Variants in SLC6A5 observed in about 807,000 individuals in gnomAD.
SLC6A5 encodes the protein solute carrier family 6 member 5.
Under a neutral mutation model 90.5 loss-of-function variants are expected in SLC6A5, and 58 were observed. The observed-to-expected ratio is 0.64, with a 90% confidence interval of 0.52 to 0.80. The LOEUF (loss-of-function observed/expected upper bound fraction) is 0.80. SLC6A5 is among the 30% of genes least tolerant of loss of function. The probability of loss-of-function intolerance (pLI) is 0.00; values close to 1 mark genes in which losing one functional copy is unlikely to be tolerated. For synonymous variants in SLC6A5, 427 were observed against 401.4 expected (o/e 1.06, Z -0.76); for missense variants, 1,015 against 1,017.6 (o/e 1.00, Z 0.03).
At chr11:20,607,951 G>T (rs1004129755) in intron 5 of SLC6A5, among the ~76,000 whole-genome samples, 5 of 152,192 alleles carry the variant, frequency 3.3e-5, no homozygotes, top group Admixed American at 2.0e-4. Context: ...CAGAAAATTT[G>T]CATTTTAACA....
intron 13 of SLC6A5, among the ~76,000 whole-genome samples, chr11:20,642,230 C>T (rs1197931942): frequency 7.5e-5 from 11 of 147,100 alleles, no homozygotes; most frequent in Admixed American, 6.8e-4. Flanking sequence ...AGGAACCACA[C>T]CTGGCCACCC....
chr11:20,604,369 A>C lies in SLC6A5; in HGVS notation c.624A>C (p.Ala208=), dbSNP rs772807274. 6.2e-7 allele frequency: 1 copy of C among 1,613,862 alleles called. No individual in the cohort carries two copies. The highest frequency in any genetic ancestry group is 1.3e-5 in the African/African-American group (1 of 74,896). The stretch of plus-strand genomic sequence containing the variant: ...TCATCCTGTCCATGGTGGGGTACGC[A>C]GTGGGGCTGGGCAATGTCTGGAGGT... ...LDFILSMVGY[A]VGLGNVWRFP... The change falls in exon 3 of 16, where the codon GCA becomes GCC. Residue 208 remains alanine (A), a synonymous_variant. Coordinates refer to ENST00000525748, the MANE Select transcript of SLC6A5 (RefSeq NM_004211.5).
chr11:20,599,785 A>C, intron 1 of SLC6A5, 110 bp downstream of exon 1: 36 of 1,232,566 alleles, frequency 2.9e-5, no homozygotes, highest in Non-Finnish European at 4.2e-5. Flanking sequence ...GGTGGGGGGA[A>C]AGGGGGCGAC....
chr11:20,633,762 T>C (rs1053351872), intron 10 of SLC6A5, among the ~76,000 whole-genome samples: 4 of 152,212 alleles, frequency 2.6e-5, no homozygotes, highest in African/African-American at 9.7e-5. Context: ...GGAAGCTCTA[T>C]AAAGGTAGGT....
chr11:20,628,719 C>T (rs186189070), intron 9 of SLC6A5, among the ~76,000 whole-genome samples: 1 of 152,242 alleles, frequency 6.6e-6, no homozygotes, highest in East Asian at 1.9e-4. Flanking sequence ...TAACCATTGA[C>T]CCAAATCAGT....
chr11:20,607,966 G>A lies in SLC6A5; in HGVS notation c.985+314G>A, dbSNP rs139458650. 1.9e-3 allele frequency among the ~76,000 whole-genome samples: 289 copies of A among 152,304 alleles called. 2 individuals carry two copies. The highest frequency in any genetic ancestry group is 6.8e-3 in the Middle Eastern group (2 of 294). On this transcript the variant is annotated intron_variant, in intron 5 of 15. Transcript: ENST00000525748. Reference sequence around the variant, plus strand: ...CAGAAAATTTGCATTTTAACAAGTCGTTGTAGAATTTTATTTTGTTTTATA... The same window carrying A: ...CAGAAAATTTGCATTTTAACAAGTCATTGTAGAATTTTATTTTGTTTTATA...
chr11:20,627,858 G>T (rs3819252), intron 8 of SLC6A5, 122 bp from the exon 9 acceptor site: 2 of 740,308 alleles, frequency 2.7e-6, no homozygotes, highest in Admixed American at 3.9e-5. Context: ...TGTTGATGTC[G>T]GGGGTCATCT....
At chr11:20,620,277 G>A (rs770780073) in intron 7 of SLC6A5, among the ~76,000 whole-genome samples, 1 of 152,172 alleles carries the variant, frequency 6.6e-6, no homozygotes, top group Admixed American at 6.5e-5. Flanking sequence ...AGGATGGCCT[G>A]TGGCTCCAGA....
intron 14 of SLC6A5, 41 bp downstream of exon 14, chr11:20,646,975 C>A (rs368142004): frequency 4.0e-6 from 5 of 1,245,468 alleles, no homozygotes; most frequent in East Asian, 2.3e-5. Flanking sequence ...CAGCACCTTG[C>A]ATACGTATGT....
intron 7 of SLC6A5, among the ~76,000 whole-genome samples, chr11:20,623,176 T>C (rs1894162): frequency 1 from 152,160 of 152,304 alleles, 76,009 homozygotes; most frequent in Non-Finnish European, 1. Context: ...AAATGTGTCC[T>C]GGTCAGCAGT....
At chr11:20,651,625 G>T (rs1030007890) in intron 14 of SLC6A5, among the ~76,000 whole-genome samples, 1 of 151,364 alleles carries the variant, frequency 6.6e-6, no homozygotes, top group African/African-American at 2.4e-5. Context: ...CAGAAAATAC[G>T]GGCTGGGCAC....
chr11:20,633,933 G>A (rs1296212490), intron 10 of SLC6A5, among the ~76,000 whole-genome samples: 1 of 152,102 alleles, frequency 6.6e-6, no homozygotes, highest in Non-Finnish European at 1.5e-5. Context: ...GTGCAGTGGT[G>A]CCATCTTGGC....
chr11:20,634,233 A>G (rs1853161852), intron 10 of SLC6A5, among the ~76,000 whole-genome samples: 1 of 152,162 alleles, frequency 6.6e-6, no homozygotes, highest in Non-Finnish European at 1.5e-5. Flanking sequence ...ACTGCCTCCC[A>G]GTGGGAGAGG....
At position 20,641,110 on chromosome 11, in the gene SLC6A5, T is replaced by A. The variant is rs191296625; in HGVS notation, c.1969+2552T>A. On this transcript the variant is annotated intron_variant, in intron 13 of 15. Transcript: ENST00000525748. ...GTTTAAAAGTAAAACTCCCTTAGTT[T>A]TGTGTAGAAGTGGTCCCTTTAGCAG... Among the ~76,000 whole-genome samples the A allele has an allele frequency of 1.8e-4, 27 of 152,292 alleles. No individual in the cohort carries two copies. In the East Asian group the frequency reaches 4.6e-3, roughly 26 times the overall value.
chr11:20,603,963 C>A (rs1852526339), intron 2 of SLC6A5, among the ~76,000 whole-genome samples: 1 of 151,556 alleles, frequency 6.6e-6, no homozygotes, highest in South Asian at 2.1e-4. Context: ...CTTACAGGTT[C>A]AAGGTTTGGG....
In SLC6A5 at chr11:20,655,522, T is replaced by A. The variant is rs1853626697; in HGVS notation, c.*654T>A. ...TACAGTCTACACATTGTGACTTTGA[T>A]TGAACTGTCAGTTTTCTTCCCTCAA... On this transcript the variant is annotated 3_prime_UTR_variant, in exon 16 of 16. Coordinates refer to ENST00000525748, the MANE Select transcript of SLC6A5 (RefSeq NM_004211.5). 1.3e-5 allele frequency: 2 copies of A among 153,096 alleles called. No homozygotes were observed. The highest frequency in any genetic ancestry group is 4.1e-4 in the South Asian group (2 of 4,872). 9.5% of individuals were successfully genotyped at this position (153,096 alleles called of 1,614,324 possible). A position where few individuals can be genotyped will look rare whatever the true frequency, so the allele number is the denominator to read the frequency against.
At chr11:20,617,413 G>T (rs1053440008) in intron 6 of SLC6A5, among the ~76,000 whole-genome samples, 13 of 152,336 alleles carry the variant, frequency 8.5e-5, no homozygotes, top group Admixed American at 2.0e-4. Flanking sequence ...ACCCTTGACG[G>T]TTCAGAGTTT....
intron 6 of SLC6A5, among the ~76,000 whole-genome samples, chr11:20,615,032 T>C (rs912386409): frequency 1.3e-5 from 2 of 152,160 alleles, no homozygotes; most frequent in African/African-American, 4.8e-5. Context: ...AGCAGAATCA[T>C]TGCGGCTATA....
At position 20,630,541 on chromosome 11, in the gene SLC6A5, C is replaced by G. The variant is rs941533825; in HGVS notation, c.1500-150C>G. 5 of 930,902 alleles carry G rather than the reference C, an allele frequency of 5.4e-6. No homozygotes were observed. The African/African-American group carries it at 8.1e-5, about 15-fold the overall frequency. The allele number at this position is 930,902 out of a possible 1,614,324, so 57.7% of individuals were successfully genotyped here. A position where few individuals can be genotyped will look rare whatever the true frequency, so the allele number is the denominator to read the frequency against. On this transcript the variant is annotated intron_variant, in intron 9 of 15. Coordinates refer to ENST00000525748, the MANE Select transcript of SLC6A5 (RefSeq NM_004211.5). ...CCTTTTGGTGCTTTTTAAGTGAGCC[C>G]AAGGGAGCCTGTGGTTAGGACATGA...
Sources: gnomAD v4.1 joint callset for allele counts (sites outside exome capture counted in the v4.1 genomes callset) on GRCh38, gnomAD v4.1.1 for gene constraint, MANE v1.5 for transcripts, NCBI Gene and HGNC (gene_info 2026-07-23, HGNC 2026-07-21) for gene names.